Variants in PLEKHA5 observed in about 807,000 individuals in gnomAD.
PLEKHA5 encodes the protein pleckstrin homology domain-containing family A member 5.
PLEKHA5 carries 55 observed loss-of-function variants against 181.9 expected under a neutral mutation model. That is an observed-to-expected ratio of 0.30 (90% CI 0.24 to 0.38). PLEKHA5 has a LOEUF of 0.38. PLEKHA5 is among the 10% of genes least tolerant of loss of function. PLEKHA5 has a pLI of 1.00. For synonymous variants in PLEKHA5, 535 were observed against 529.4 expected, an observed-to-expected ratio of 1.01 and a Z score of -0.15; for missense variants, 1,432 against 1,549.5, an observed-to-expected ratio of 0.92 and a Z score of 1.27.
chr12:19,156,802 T>C lies in PLEKHA5; in HGVS notation c.227+24352T>C, dbSNP rs370201509. ...GCTCACGCCTGTAGTCCCTGCACTT[T>C]GGGAGGCCAGGGCAGGTGGGTCACT... On this transcript the variant is annotated intron_variant, in intron 3 of 31. Transcript: ENST00000429027. Among the ~76,000 whole-genome samples the C allele has an allele frequency of 2.6e-5, 4 of 151,160 alleles. No individual in the cohort carries two copies. The East Asian group carries it at 5.9e-4, about 22-fold the overall frequency.
At chr12:19,131,105 G>A (rs192253692) in intron 2 of PLEKHA5, among the ~76,000 whole-genome samples, 3 of 152,310 alleles carry the variant, frequency 2.0e-5, no homozygotes, top group Admixed American at 2.0e-4. Context: ...AATGTAACAT[G>A]TGTTCTCTTA....
chr12:19,270,163 A>G lies in PLEKHA5; in HGVS notation c.828-25A>G, dbSNP rs1051649909. 5.1e-5 allele frequency: 72 copies of G among 1,404,286 alleles called. No individual in the cohort carries two copies. In the Middle Eastern group the frequency reaches 5.4e-4, roughly 11 times the overall value. The allele number at this position is 1,404,286 out of a possible 1,614,324, so 87.0% of individuals were successfully genotyped here. On this transcript the variant is annotated intron_variant, in intron 9 of 31. Transcript: ENST00000429027. Reference sequence around the variant, plus strand: ...GGTGAATCCAGAATCCTAACATTCAAACTGAATGTTCTTTCTTCTTACAGA... The same window carrying G: ...GGTGAATCCAGAATCCTAACATTCAGACTGAATGTTCTTTCTTCTTACAGA...
chr12:19,138,951 C>T (rs779119534), intron 3 of PLEKHA5, among the ~76,000 whole-genome samples: 2 of 152,018 alleles, frequency 1.3e-5, no homozygotes, highest in African/African-American at 2.4e-5. Context: ...TTTAGTATAG[C>T]GTTAATTATG....
chr12:19,191,501 C>T (rs73058545), intron 3 of PLEKHA5, among the ~76,000 whole-genome samples: 2 of 152,270 alleles, frequency 1.3e-5, no homozygotes, highest in Non-Finnish European at 2.9e-5. Context: ...CATCTTATTG[C>T]AGTACAGATG....
chr12:19,351,199 G>GTGT (rs1331992413), intron 25 of PLEKHA5, among the ~76,000 whole-genome samples: 1 of 151,866 alleles, frequency 6.6e-6, no homozygotes, highest in Non-Finnish European at 1.5e-5. Flanking sequence ...GCCTCCCAGA[G>GTGT]TGTTGGGATT....
chr12:19,268,899 AC>A (rs1233872321), intron 8 of PLEKHA5, among the ~76,000 whole-genome samples: 1 of 152,116 alleles, frequency 6.6e-6, no homozygotes, highest in Non-Finnish European at 1.5e-5. Context: ...AAAAGAAAAC[AC>A]CATTTCGGAT....
intron 3 of PLEKHA5, among the ~76,000 whole-genome samples, chr12:19,217,234 G>A (rs959305607): frequency 1.2e-4 from 19 of 152,158 alleles, no homozygotes; most frequent in African/African-American, 4.6e-4. Context: ...TATGTGTTAA[G>A]CATTATTCTC....
At chr12:19,253,064 C>CTGTTTTTTTTTTT (rs2065786894) in intron 3 of PLEKHA5, among the ~76,000 whole-genome samples, 1 of 45,834 alleles carries the variant, frequency 2.2e-5, no homozygotes, top group African/African-American at 6.4e-5. Flanking sequence ...ATCAACTTAC[C>CTGTTTTTTTTTTT]TTTTTTTTTT....
intron 3 of PLEKHA5, among the ~76,000 whole-genome samples, chr12:19,246,634 T>C (rs983711800): frequency 2.8e-5 from 4 of 145,274 alleles, no homozygotes; most frequent in Non-Finnish European, 6.1e-5. Context: ...AAAAAAACAA[T>C]CTAGTACATT....
At chr12:19,346,497 C>T (rs1049197209) in intron 23 of PLEKHA5, among the ~76,000 whole-genome samples, 8 of 151,688 alleles carry the variant, frequency 5.3e-5, no homozygotes, top group Admixed American at 3.9e-4. Context: ...AAAAATTAGA[C>T]GGGCATGGTG....
At chr12:19,156,951 T>TG (rs1179877592) in intron 3 of PLEKHA5, among the ~76,000 whole-genome samples, 1 of 150,516 alleles carries the variant, frequency 6.6e-6, no homozygotes, top group Non-Finnish European at 1.5e-5. Context: ...CCCAGCTACT[T>TG]GGGGGGCTGA....
chr12:19,337,548 CAA>C (rs1157232818), intron 21 of PLEKHA5, among the ~76,000 whole-genome samples: 200 of 61,708 alleles, frequency 3.2e-3, no homozygotes, highest in Non-Finnish European at 5.2e-3. Flanking sequence ...GACTCTATCT[CAA>C]AAAAAAAAAA....
chr12:19,356,100 G>A (rs2094911093), intron 26 of PLEKHA5, among the ~76,000 whole-genome samples: 2 of 151,832 alleles, frequency 1.3e-5, no homozygotes, highest in South Asian at 2.1e-4. Context: ...AGGAGGCGGA[G>A]GTCGCAGTGA....
rs573835835 is a variant in PLEKHA5, at chr12:19,299,113, CA to C, written c.2037+7419del. 1.4e-4 allele frequency among the ~76,000 whole-genome samples: 21 copies of C among 152,304 alleles called. No individual in the cohort carries two copies. In the South Asian group the frequency reaches 4.4e-3, roughly 32 times the overall value. ...CATCACTGTAAGGATGGAGATTTTCCAAATTTGTGAAAATGGCAGAATTAAG... is the reference window on the plus strand; with the variant it reads ...CATCACTGTAAGGATGGAGATTTTCCAATTTGTGAAAATGGCAGAATTAAG... On this transcript the variant is annotated intron_variant, in intron 15 of 31. Coordinates refer to ENST00000429027, the MANE Select transcript of PLEKHA5 (RefSeq NM_001256470.2).
intron 3 of PLEKHA5, among the ~76,000 whole-genome samples, chr12:19,141,531 G>T (rs1196777130): frequency 6.6e-6 from 1 of 152,188 alleles, no homozygotes; most frequent in African/African-American, 2.4e-5. Flanking sequence ...AGGCCAGGGA[G>T]ACCTGAGCAT....
At chr12:19,275,759 C>A (rs938099687) in intron 11 of PLEKHA5, among the ~76,000 whole-genome samples, 44 of 151,826 alleles carry the variant, frequency 2.9e-4, no homozygotes, top group African/African-American at 1.0e-3. Flanking sequence ...ACAGTGAGAA[C>A]CCAACTCTAA....
intron 3 of PLEKHA5, among the ~76,000 whole-genome samples, chr12:19,239,783 G>A: frequency 6.6e-6 from 1 of 152,126 alleles, no homozygotes; most frequent in South Asian, 2.1e-4. Context: ...GATTCCACCA[G>A]GCTCAATTCA....
chr12:19,190,728 G>A (rs797016038), intron 3 of PLEKHA5, among the ~76,000 whole-genome samples: 4 of 152,244 alleles, frequency 2.6e-5, no homozygotes, highest in African/African-American at 9.6e-5. Flanking sequence ...TTACTCTTGT[G>A]AGACAACTAT....
chr12:19,292,725 G>A (rs988423322), intron 15 of PLEKHA5, among the ~76,000 whole-genome samples: 4 of 152,150 alleles, frequency 2.6e-5, no homozygotes, highest in Admixed American at 2.6e-4. Flanking sequence ...GATCACCTAA[G>A]GTCAGGAATT....
Sources: allele counts gnomAD v4.1 joint callset (sites outside exome capture counted in the v4.1 genomes callset), GRCh38; gene constraint gnomAD v4.1.1; transcripts MANE v1.5; gene names NCBI Gene and HGNC (gene_info 2026-07-23, HGNC 2026-07-21).